SLC25A21: variants seen among roughly 807,000 people sequenced by gnomAD.
The protein encoded by SLC25A21 is solute carrier family 25 member 21.
SLC25A21 carries 47 observed loss-of-function variants against 43.8 expected under a neutral mutation model. The ratio of observed to expected loss-of-function variants is 1.07; its 90% CI spans 0.85 to 1.37. SLC25A21 has a LOEUF of 1.37. Ranked by LOEUF, SLC25A21 falls within the 40% of genes most tolerant of loss-of-function variation. The probability of loss-of-function intolerance (pLI) is 0.00; values close to 1 mark genes in which losing one functional copy is unlikely to be tolerated. For missense variants in SLC25A21, 352 were observed against 350.2 expected, an observed-to-expected ratio of 1.00 and a Z score of -0.04; for synonymous variants, 131 against 121.3, an observed-to-expected ratio of 1.08 and a Z score of -0.52.
intron 3 of SLC25A21, among the ~76,000 whole-genome samples, chr14:36,767,423 A>G (rs185969676): frequency 6.6e-6 from 1 of 152,336 alleles, no homozygotes; most frequent in Admixed American, 6.5e-5. Flanking sequence ...CTCTGTACCC[A>G]TGAGTATCTC....
intron 1 of SLC25A21, among the ~76,000 whole-genome samples, chr14:36,963,717 C>T (rs895560441): frequency 2.0e-5 from 3 of 152,094 alleles, no homozygotes; most frequent in East Asian, 3.9e-4. Context: ...AGGCTTGCTC[C>T]GACTTCGCAA....
intron 3 of SLC25A21, among the ~76,000 whole-genome samples, chr14:36,773,673 G>T (rs1263094265): frequency 1.3e-5 from 2 of 152,320 alleles, no homozygotes; most frequent in East Asian, 3.9e-4. Context: ...ACTCACCAGA[G>T]ATCCACCAGT....
rs913021977 is a variant in SLC25A21, at chr14:36,770,905, T to C, written c.204-36332A>G. ...TGTGCATATCTGTTTTATTTAGACG[T>C]TGTTTAACTTATACTCTGGTGTCCA... is the stretch of plus-strand genomic sequence containing the variant. On this transcript the variant is annotated intron_variant, in intron 3 of 9. Coordinates refer to ENST00000331299, the MANE Select transcript of SLC25A21 (RefSeq NM_030631.4). Among the ~76,000 whole-genome samples, 10 of 152,210 alleles carry C rather than the reference T, an allele frequency of 6.6e-5. No homozygotes were observed. In the East Asian group the frequency reaches 1.9e-3, roughly 29 times the overall value.
At chr14:36,802,710 A>G (rs1267515894) in intron 3 of SLC25A21, among the ~76,000 whole-genome samples, 1 of 152,202 alleles carries the variant, frequency 6.6e-6, no homozygotes, top group Non-Finnish European at 1.5e-5. Context: ...AAGAGAAAAC[A>G]GCATACGAGC....
chr14:36,922,854 C>T (rs1892019650), intron 1 of SLC25A21, among the ~76,000 whole-genome samples: 1 of 152,094 alleles, frequency 6.6e-6, no homozygotes, highest in Admixed American at 6.6e-5. Flanking sequence ...ACCTTAACTG[C>T]CTGCAAAACA....
At chr14:37,108,704 A>AGAGT (rs989051076) in intron 1 of SLC25A21, among the ~76,000 whole-genome samples, 8 of 149,240 alleles carry the variant, frequency 5.4e-5, no homozygotes, top group African/African-American at 2.0e-4. Flanking sequence ...AGTTTTGTTA[A>AGAGT]GTGTGTGTGT....
intron 4 of SLC25A21, among the ~76,000 whole-genome samples, chr14:36,730,889 A>G (rs1419179897): frequency 6.6e-6 from 1 of 152,186 alleles, no homozygotes; most frequent in African/African-American, 2.4e-5. Flanking sequence ...CTCAACGGCA[A>G]ACACCAGGGA....
intron 5 of SLC25A21, among the ~76,000 whole-genome samples, chr14:36,728,584 T>C (rs1316673022): frequency 2.0e-5 from 3 of 152,234 alleles, no homozygotes; most frequent in African/African-American, 7.2e-5. Context: ...AAGACATTGC[T>C]TTGTTATAAC....
intron 1 of SLC25A21, among the ~76,000 whole-genome samples, chr14:37,101,890 C>T (rs867164949): frequency 9.2e-5 from 14 of 152,064 alleles, no homozygotes; most frequent in African/African-American, 3.4e-4. Context: ...TGTACCAGTT[C>T]TGACTTTTAT....
At chr14:37,162,832 A>T (rs1462092891) in intron 1 of SLC25A21, among the ~76,000 whole-genome samples, 1 of 152,180 alleles carries the variant, frequency 6.6e-6, no homozygotes, top group East Asian at 1.9e-4. Flanking sequence ...CTATAAAGAC[A>T]CATGCACATG....
intron 2 of SLC25A21, among the ~76,000 whole-genome samples, chr14:36,829,682 T>G (rs938994931): frequency 6.8e-6 from 1 of 147,964 alleles, no homozygotes; most frequent in African/African-American, 2.5e-5. Flanking sequence ...CTCTAGGAGG[T>G]TATCCTTGGG....
chr14:36,958,544 A>G (rs1455796316), intron 1 of SLC25A21, among the ~76,000 whole-genome samples: 1 of 152,336 alleles, frequency 6.6e-6, no homozygotes, highest in Non-Finnish European at 1.5e-5. Context: ...ATTAAAAGTT[A>G]TTAACTCTTC....
chr14:36,911,721 T>C (rs895898953), intron 1 of SLC25A21, among the ~76,000 whole-genome samples: 3 of 152,086 alleles, frequency 2.0e-5, no homozygotes, highest in Non-Finnish European at 2.9e-5. Context: ...CACTATCTGA[T>C]TGTAACTGCA....
rs574637475 is a variant in SLC25A21 at position 36,962,842 on chromosome 14, T to C, written c.71-87838A>G. Among the ~76,000 whole-genome samples, 11 of 152,342 alleles carry C rather than the reference T, an allele frequency of 7.2e-5. No homozygotes were observed. The East Asian group carries it at 1.3e-3, about 19-fold the overall frequency. ...AAGGATAACAGTCTCTTTTAGGGGT[T>C]AGACATACCAAACACATGAAATTCA... On this transcript the variant is annotated intron_variant, in intron 1 of 9. Transcript: ENST00000331299.
chr14:36,886,806 A>G (rs1237727511), intron 1 of SLC25A21, among the ~76,000 whole-genome samples: 1 of 152,190 alleles, frequency 6.6e-6, no homozygotes, highest in Non-Finnish European at 1.5e-5. Context: ...ATTGTTTGGT[A>G]TTTTAACTCA....
chr14:36,996,475 T>C (rs1401939191), intron 1 of SLC25A21, among the ~76,000 whole-genome samples: 1 of 152,228 alleles, frequency 6.6e-6, no homozygotes, highest in Non-Finnish European at 1.5e-5. Flanking sequence ...AACCTTTGTG[T>C]GCCTCAAATC....
intron 1 of SLC25A21, chr14:37,098,709 A>G (rs527396596): frequency 5.8e-5 from 3 of 51,360 alleles, no homozygotes; most frequent in Admixed American, 2.8e-4. Flanking sequence ...AGATAGATAG[A>G]TAGATAGATA....
chr14:37,161,888 G>A (rs1041350129), intron 1 of SLC25A21, among the ~76,000 whole-genome samples: 2 of 150,194 alleles, frequency 1.3e-5, no homozygotes, highest in Admixed American at 1.3e-4. Context: ...GCGTGAACCC[G>A]GGAGGCGGAG....
chr14:36,937,248 C>T (rs566770582), intron 1 of SLC25A21, among the ~76,000 whole-genome samples: 6 of 152,176 alleles, frequency 3.9e-5, no homozygotes, highest in South Asian at 2.1e-4. Flanking sequence ...GCCAATGAGG[C>T]GCTCTTAGCA....
Sources: gnomAD v4.1 joint callset for allele counts (sites outside exome capture counted in the v4.1 genomes callset) on GRCh38, gnomAD v4.1.1 for gene constraint, MANE v1.5 for transcripts, NCBI Gene and HGNC (gene_info 2026-07-23, HGNC 2026-07-21) for gene names.